The following MCM6 variants were observed in gnomAD, a reference collection of about 807,000 sequenced individuals.
The protein encoded by MCM6 is DNA replication licensing factor MCM6.
A neutral mutation model predicts 94.3 loss-of-function variants in MCM6; 46 were observed. That is an observed-to-expected ratio of 0.49 (90% CI 0.39 to 0.62). The LOEUF (loss-of-function observed/expected upper bound fraction) is 0.62. Ranked by LOEUF, MCM6 falls within the 20% of genes least tolerant of loss-of-function variation. MCM6 has a pLI of 0.00. For synonymous variants in MCM6, 335 were observed against 351.9 expected (o/e 0.95, Z 0.54); for missense variants, 865 against 1,017.9 (o/e 0.85, Z 2.04).
At chr2:135,868,344 C>T (rs1463133203) in intron 4 of MCM6, among the ~76,000 whole-genome samples, 1 of 152,160 alleles carries the variant, frequency 6.6e-6, no homozygotes, top group Non-Finnish European at 1.5e-5. Context: ...TAATGACAAC[C>T]ACCACCACCT....
intron 13 of MCM6, among the ~76,000 whole-genome samples, chr2:135,848,868 G>T (rs905046626): frequency 6.6e-6 from 1 of 152,128 alleles, no homozygotes; most frequent in Non-Finnish European, 1.5e-5. Flanking sequence ...CTGGGCGACA[G>T]AGTGAGACTC....
intron 5 of MCM6, 32 bp from the exon 6 acceptor site, chr2:135,866,309 T>C: frequency 6.2e-7 from 1 of 1,611,686 alleles, no homozygotes. Context: ...TTTCACAACT[T>C]AAATATTAAA....
In MCM6 at chr2:135,857,877, CAGA is replaced by C; in HGVS notation, c.1470+17_1470+19del. On this transcript the variant is annotated intron_variant, in intron 10 of 16. Coordinates refer to ENST00000264156, the MANE Select transcript of MCM6 (RefSeq NM_005915.6). The stretch of plus-strand genomic sequence containing the variant: ...CAAGGCTATGGACGATGCAGCAGAA[CAGA>C]AGTAGATAACACATACCTTCACTCC... 6.3e-7 allele frequency: 1 copy of C among 1,594,218 alleles called. No individual in the cohort carries two copies. The highest frequency in any genetic ancestry group is 8.6e-7 in the Non-Finnish European group (1 of 1,162,310).
At chr2:135,842,934 G>A (rs1461289331) in intron 16 of MCM6, among the ~76,000 whole-genome samples, 1 of 152,168 alleles carries the variant, frequency 6.6e-6, no homozygotes, top group East Asian at 1.9e-4. Flanking sequence ...TGGAAGGGAG[G>A]GTAGTAAAAT....
chr2:135,844,511 CCT>C (rs1392275659), intron 16 of MCM6, 32 bp downstream of exon 16: 11 of 1,426,634 alleles, frequency 7.7e-6, no homozygotes, highest in Middle Eastern at 1.9e-4. Flanking sequence ...TCCCTCCCTC[CCT>C]GATACCAGAG....
chr2:135,855,346 G>A lies in MCM6; in HGVS notation c.1626+1382C>T, dbSNP rs566630572. Among the ~76,000 whole-genome samples the A allele has an allele frequency of 1.2e-4, 18 of 152,164 alleles. No individual in the cohort carries two copies. The South Asian group carries it at 3.5e-3, about 30-fold the overall frequency. On this transcript the variant is annotated intron_variant, in intron 11 of 16. Transcript: ENST00000264156. ...TAATTAAATATGTCTCTCTTGTGAA[G>A]GGAAAAAAAGTGAACCAAACCAAAC... is the stretch of plus-strand genomic sequence containing the variant.
At chr2:135,851,128 G>C (rs1679773081) in intron 13 of MCM6, among the ~76,000 whole-genome samples, 1 of 152,144 alleles carries the variant, frequency 6.6e-6, no homozygotes, top group Non-Finnish European at 1.5e-5. Flanking sequence ...GTACATTGTA[G>C]GGTCTAAGTA....
At chr2:135,844,453 A>G (rs1679633991) in intron 16 of MCM6, 92 bp downstream of exon 16, 1 of 1,181,172 alleles carries the variant, frequency 8.5e-7, no homozygotes, top group Admixed American at 3.0e-5. Flanking sequence ...AAACAAACAA[A>G]GGTCAAAAAA....
intron 12 of MCM6, 110 bp from the exon 13 acceptor site, chr2:135,851,673 G>T (rs1575360199): frequency 1.1e-6 from 1 of 899,908 alleles, no homozygotes; most frequent in Non-Finnish European, 1.5e-6. Flanking sequence ...ACCTGAGAGG[G>T]TTGAAACTTT....
At chr2:135,872,012 CAAGAA>C (rs1680210647) in intron 2 of MCM6, among the ~76,000 whole-genome samples, 1 of 152,054 alleles carries the variant, frequency 6.6e-6, no homozygotes, top group Admixed American at 6.6e-5. Context: ...ATCCCCAGTA[CAAGAA>C]AAGGACCCAC....
At chr2:135,861,883 T>C (rs1680001906) in intron 8 of MCM6, among the ~76,000 whole-genome samples, 1 of 152,354 alleles carries the variant, frequency 6.6e-6, no homozygotes, top group East Asian at 1.9e-4. Context: ...CCCAAAGTGC[T>C]GGGATTACAG....
chr2:135,857,867 T>A, intron 10 of MCM6, 30 bp downstream of exon 10: 1 of 1,572,252 alleles, frequency 6.4e-7, no homozygotes, highest in African/African-American at 1.3e-5. Context: ...CTATGGACGA[T>A]GCAGCAGAAC....
intron 16 of MCM6, among the ~76,000 whole-genome samples, chr2:135,843,613 G>C (rs572432553): frequency 1.3e-5 from 2 of 151,154 alleles, no homozygotes; most frequent in Non-Finnish European, 2.9e-5. Context: ...GGTGGCCGGC[G>C]CCTGTAATCC....
chr2:135,869,076 T>A (rs1164477529), intron 3 of MCM6, among the ~76,000 whole-genome samples: 1 of 151,920 alleles, frequency 6.6e-6, no homozygotes, highest in Admixed American at 6.6e-5. Context: ...ATAAATGAAC[T>A]AAAGGATGCC....
At chr2:135,845,996 T>C (rs1390507129) in intron 15 of MCM6, among the ~76,000 whole-genome samples, 1 of 152,234 alleles carries the variant, frequency 6.6e-6, no homozygotes, top group Non-Finnish European at 1.5e-5. Flanking sequence ...ATTATTAAAA[T>C]AGGCCCAGAA....
intron 11 of MCM6, 85 bp from the exon 12 acceptor site, chr2:135,853,000 CA>C (rs1329957422): frequency 8.1e-6 from 10 of 1,233,118 alleles, no homozygotes; most frequent in Admixed American, 2.6e-5. Context: ...GATTTATCGC[CA>C]AAAACAAGCT....
intron 13 of MCM6, among the ~76,000 whole-genome samples, chr2:135,850,966 C>A (rs144412793): frequency 4.6e-5 from 7 of 152,256 alleles, no homozygotes; most frequent in African/African-American, 1.7e-4. Flanking sequence ...CCTTTTACCT[C>A]GTTAATACCC....
intron 1 of MCM6, 74 bp downstream of exon 1, chr2:135,876,184 GC>G: frequency 8.4e-7 from 1 of 1,185,172 alleles, no homozygotes. Flanking sequence ...AACACCCGCC[GC>G]CCACACGGCA....
chr2:135,864,676 T>C (rs1680057932), intron 7 of MCM6, among the ~76,000 whole-genome samples: 1 of 152,238 alleles, frequency 6.6e-6, no homozygotes, highest in Non-Finnish European at 1.5e-5. Context: ...AGTGTATAAG[T>C]TCAGTGGCAG....
Sources: allele counts gnomAD v4.1 joint callset (sites outside exome capture counted in the v4.1 genomes callset), GRCh38; gene constraint gnomAD v4.1.1; transcripts MANE v1.5; gene names NCBI Gene and HGNC (gene_info 2026-07-23, HGNC 2026-07-21).